The following KLF17 variants were observed in gnomAD, a reference collection of about 807,000 sequenced individuals.
The protein encoded by KLF17 is KLF transcription factor 17.
Under a neutral mutation model 34.2 loss-of-function variants are expected in KLF17, and 31 were observed. The observed-to-expected ratio is 0.91, with a 90% CI of 0.68 to 1.22. KLF17 has a LOEUF of 1.22. Ranked by LOEUF, KLF17 falls within the 50% of genes most tolerant of loss-of-function variation. The pLI is 0.00. For synonymous variants in KLF17, 179 were observed against 186.7 expected, an observed-to-expected ratio of 0.96 and a Z score of 0.34; for missense variants, 478 against 505.2, an observed-to-expected ratio of 0.95 and a Z score of 0.52.
rs138795251 is a variant in KLF17, at chr1:44,131,636, C to T, written c.*880C>T. ...CCACTTTACAGACTTGGATGGAATG[C>T]CCTGGCATAGGGCATGGGATCTGGC... is the stretch of plus-strand genomic sequence containing the variant. On this transcript the variant is annotated intron_variant, in intron 3 of 3. Coordinates refer to ENST00000372299, the MANE Select transcript of KLF17 (RefSeq NM_173484.4). 2.9e-3 allele frequency among the ~76,000 whole-genome samples: 443 copies of T among 152,296 alleles called. 2 individuals are homozygous for T. The highest frequency in any genetic ancestry group is 9.6e-3 in the African/African-American group (400 of 41,570).
rs2088078527 is a variant in KLF17, at chr1:44,129,632, C to T, written c.361C>T (p.Gln121Ter). The T allele has an allele frequency of 2.5e-6, 4 of 1,614,078 alleles. No individual in the cohort carries two copies. Among genetic ancestry groups the T allele is most frequent in the Middle Eastern group, 1.6e-4 (1 of 6,084 alleles). Reference sequence around the variant, plus strand: ...TTACTGTCAGAGAATGTCTCCCCCTCAGCAAGAGATGACGATTTTCAGTGG... The same window carrying T: ...TTACTGTCAGAGAATGTCTCCCCCTTAGCAAGAGATGACGATTTTCAGTGG... Reference protein sequence around the residue: ...MIYCQRMSPPQQEMTIFSGPQ... With the variant: ...MIYCQRMSPP The change falls in exon 2 of 4, where the codon CAG (glutamine) becomes TAG (stop). Residue 121 changes from glutamine to a stop codon, truncating the protein, a stop_gained. Coordinates refer to ENST00000372299, the MANE Select transcript of KLF17 (RefSeq NM_173484.4). LOFTEE classifies it high-confidence loss of function.
the KLF17 span, among the ~76,000 whole-genome samples, chr1:44,069,090 A>C: frequency 1.3e-5 from 2 of 151,994 alleles, no homozygotes; most frequent in South Asian, 4.2e-4. The surrounding 1 kb of genome is among the most constrained non-coding windows in gnomAD (Gnocchi z 4.7). Context: ...GGAGAGGTAA[A>C]AGTCTGCAAA....
At chr1:44,100,487 A>C in the KLF17 span, among the ~76,000 whole-genome samples, 3 of 152,144 alleles carry the variant, frequency 2.0e-5, no homozygotes, top group African/African-American at 4.8e-5. Context: ...GAGGGGGGGA[A>C]CCTATGATGT....
Position 44,130,921 on chromosome 1 carries a change from G to A in KLF17, c.*165G>A, listed in dbSNP as rs1173125685. Among the ~76,000 whole-genome samples, 8 of 151,952 alleles carry A rather than the reference G, an allele frequency of 5.3e-5. No homozygotes were observed. The East Asian group carries it at 1.2e-3, about 22-fold the overall frequency. ...AGTGATTTTCCTGCCTCAGCCTCCC[G>A]AGTAGCTAGGACTACAGGCACGTGC... On this transcript the variant is annotated intron_variant, in intron 3 of 3. Transcript: ENST00000372299.
the KLF17 span, among the ~76,000 whole-genome samples, chr1:44,075,782 C>T: frequency 1.1e-4 from 17 of 152,290 alleles, no homozygotes; most frequent in South Asian, 1.2e-3. Context: ...TTTGCTCATT[C>T]TCCCTTTGAT....
the KLF17 span, among the ~76,000 whole-genome samples, chr1:44,091,961 A>ACACT: frequency 5.2e-3 from 608 of 116,518 alleles, 7 homozygotes; most frequent in African/African-American, 0.018. Context: ...ACACACACAC[A>ACACT]CTCTCTCTCT....
chr1:44,130,963 T>A (rs1380587747), intron 3 of KLF17, among the ~76,000 whole-genome samples: 1 of 151,938 alleles, frequency 6.6e-6, no homozygotes, highest in Non-Finnish European at 1.5e-5. Context: ...GCCCGGGTAA[T>A]TTTTTGTATT....
rs768875857 is a variant in KLF17 at position 44,130,183 on chromosome 1, G to T, written c.912G>T (p.Gln304His). 1.9e-6 allele frequency: 3 copies of T among 1,611,794 alleles called. No individual in the cohort carries two copies. In the Admixed American group the frequency reaches 5.0e-5, roughly 27 times the overall value. Reference sequence around the variant, plus strand: ...AACGCTCCCACCTCGTGAGCCACCAGCGCAAGCACACAGGTGAAGGAGGTG... The same window carrying T: ...AACGCTCCCACCTCGTGAGCCACCATCGCAAGCACACAGGTGAAGGAGGTG... ...YTKRSHLVSH[Q>H]RKHTGERPYS... The change falls in exon 2 of 4, where the codon CAG becomes CAT. Residue 304 changes from glutamine to histidine, a missense_variant. Gln to His is a conservative substitution (Grantham distance 24). Transcript: ENST00000372299.
At chr1:44,127,942 TTC>T (rs1351931906) in intron 1 of KLF17, among the ~76,000 whole-genome samples, 5 of 151,964 alleles carry the variant, frequency 3.3e-5, no homozygotes, top group African/African-American at 1.2e-4. Context: ...TATTTTAAAC[TTC>T]TCTTTTGGTT....
At position 44,129,493 on chromosome 1, in the gene KLF17, T is replaced by C. The variant is rs1476368047; in HGVS notation, c.222T>C (p.Ser74=). The change falls in exon 2 of 4, where the codon TCT becomes TCC. Residue 74 remains serine (S), a synonymous_variant. Transcript: ENST00000372299. ...SAEMLGSPLV[S]VEAPGQNVNE... is the part of the protein sequence containing the mutation. ...AGATGCTGGGGTCCCCTTTGGTGTC[T>C]GTTGAGGCGCCGGGGCAGAATGTGA... 1 of 1,612,556 alleles carries C rather than the reference T, an allele frequency of 6.2e-7. No homozygotes were observed. Among genetic ancestry groups the C allele is most frequent in the Admixed American group, 1.7e-5 (1 of 59,856 alleles).
chr1:44,058,711 A>G, the KLF17 span, among the ~76,000 whole-genome samples: 9 of 108,016 alleles, frequency 8.3e-5, no homozygotes, highest in African/African-American at 3.3e-4. Context: ...TTTTCCCGAG[A>G]CGGAGTCTCG....
chr1:44,100,717 G>A, the KLF17 span, among the ~76,000 whole-genome samples: 72 of 151,846 alleles, frequency 4.7e-4, no homozygotes, highest in African/African-American at 1.4e-3. Flanking sequence ...GTGCAGTGGC[G>A]CAATCTCCAC....
chr1:44,057,904 G>A, the KLF17 span, among the ~76,000 whole-genome samples: 2 of 152,142 alleles, frequency 1.3e-5, no homozygotes, highest in Non-Finnish European at 2.9e-5. Context: ...CATACCATGG[G>A]GAAGACTGGC....
chr1:44,124,748 G>A (rs2087989505), intron 1 of KLF17, among the ~76,000 whole-genome samples: 3 of 152,094 alleles, frequency 2.0e-5, no homozygotes, highest in East Asian at 3.9e-4. Flanking sequence ...CACCCACCTC[G>A]GTCTCCCAAA....
chr1:44,053,597 G>C, the KLF17 span, among the ~76,000 whole-genome samples: 1 of 152,254 alleles, frequency 6.6e-6, no homozygotes, highest in Non-Finnish European at 1.5e-5. Flanking sequence ...CCAGGAGTTG[G>C]GCCCCATATC....
chr1:44,078,094 T>A, the KLF17 span, among the ~76,000 whole-genome samples: 1 of 152,234 alleles, frequency 6.6e-6, no homozygotes, highest in Admixed American at 6.5e-5. Context: ...AACAGAAGTT[T>A]ACTTTAATTT....
At chr1:44,121,647 A>C (rs888692910) in intron 1 of KLF17, among the ~76,000 whole-genome samples, 4 of 152,224 alleles carry the variant, frequency 2.6e-5, no homozygotes, top group African/African-American at 9.6e-5. Context: ...CCGATATATC[A>C]GATTGCTTCC....
the KLF17 span, among the ~76,000 whole-genome samples, chr1:44,102,633 A>AAAGG: frequency 6.6e-6 from 1 of 150,704 alleles, no homozygotes; most frequent in Non-Finnish European, 1.5e-5. Context: ...AAAGAAAAAG[A>AAAGG]AAGAAAGAAA....
chr1:44,050,775 G>A, the KLF17 span, among the ~76,000 whole-genome samples: 1 of 152,198 alleles, frequency 6.6e-6, no homozygotes, highest in Non-Finnish European at 1.5e-5. Context: ...AAATTAGCCA[G>A]GCGTGGTGGT....
Sources: gnomAD v4.1 joint callset for allele counts (sites outside exome capture counted in the v4.1 genomes callset) on GRCh38, gnomAD v4.1.1 for gene constraint, Gnocchi (gnomAD v3.1) non-coding constraint, MANE v1.5 for transcripts, NCBI Gene and HGNC (gene_info 2026-07-23, HGNC 2026-07-21) for gene names.